PDE7A: variants seen among roughly 807,000 people sequenced by gnomAD.
PDE7A encodes the protein high affinity 3',5'-cyclic-AMP phosphodiesterase 7A.
A neutral mutation model predicts 64.3 loss-of-function variants in PDE7A; 39 were observed. That is an observed-to-expected ratio of 0.61 (90% CI 0.47 to 0.79). The LOEUF (loss-of-function observed/expected upper bound fraction) is 0.79. Ranked by LOEUF, PDE7A falls within the 30% of genes least tolerant of loss-of-function variation. The pLI, the probability that PDE7A is intolerant of heterozygous loss-of-function variation, is 0.00. For synonymous variants in PDE7A, 203 were observed against 206.8 expected (o/e 0.98, Z 0.16); for missense variants, 470 against 582.8 (o/e 0.81, Z 1.99).
At chr8:65,767,035 A>G (rs533742671) in intron 3 of PDE7A, among the ~76,000 whole-genome samples, 17 of 146,426 alleles carry the variant, frequency 1.2e-4, no homozygotes, top group African/African-American at 2.1e-4. Flanking sequence ...CAACAACAAC[A>G]ACGCCTGGAC....
intron 1 of PDE7A, among the ~76,000 whole-genome samples, chr8:65,812,192 G>A (rs60213300): frequency 0.05 from 7,508 of 150,008 alleles, 512 homozygotes; most frequent in African/African-American, 0.16. Context: ...GGGTGACAGC[G>A]CGAGACCGTT....
chr8:65,835,390 G>C (rs1431057340), intron 1 of PDE7A, among the ~76,000 whole-genome samples: 2 of 152,122 alleles, frequency 1.3e-5, no homozygotes, highest in East Asian at 3.8e-4. Flanking sequence ...CCTTAAGAGG[G>C]CCTGCATGCA....
chr8:65,776,652 T>C (rs759594033), intron 3 of PDE7A, among the ~76,000 whole-genome samples: 4 of 152,216 alleles, frequency 2.6e-5, no homozygotes, highest in Non-Finnish European at 4.4e-5. Context: ...ATATTTGATG[T>C]TTCTTGATAC....
intron 1 of PDE7A, among the ~76,000 whole-genome samples, chr8:65,835,999 A>G (rs1449383044): frequency 1.3e-5 from 2 of 152,214 alleles, no homozygotes; most frequent in Admixed American, 6.5e-5. Context: ...AGTGAAAGCT[A>G]AAGTATGGTA....
intron 5 of PDE7A, among the ~76,000 whole-genome samples, chr8:65,743,459 A>AG (rs1419331068): frequency 6.6e-6 from 1 of 152,336 alleles, no homozygotes; most frequent in East Asian, 1.9e-4. Flanking sequence ...AAAGGCAGGG[A>AG]GGCAGGAGGG....
intron 1 of PDE7A, among the ~76,000 whole-genome samples, chr8:65,805,325 TTA>T (rs1337414770): frequency 6.6e-6 from 1 of 152,216 alleles, no homozygotes; most frequent in Non-Finnish European, 1.5e-5. Context: ...GATTTTAAAA[TTA>T]TGACTCATGT....
intron 3 of PDE7A, among the ~76,000 whole-genome samples, chr8:65,776,326 G>A (rs1809258262): frequency 6.6e-6 from 1 of 151,948 alleles, no homozygotes; most frequent in African/African-American, 2.4e-5. Flanking sequence ...GTCAGTCCTT[G>A]AATTAACATC....
intron 2 of PDE7A, 43 bp from the exon 3 acceptor site, chr8:65,779,846 A>G: frequency 7.8e-7 from 1 of 1,281,570 alleles, no homozygotes; most frequent in Non-Finnish European, 1.1e-6. Context: ...GAAGGTTGTC[A>G]TTCGGGAAGA....
chr8:65,796,643 T>C (rs953103264), intron 1 of PDE7A, among the ~76,000 whole-genome samples: 1 of 152,050 alleles, frequency 6.6e-6, no homozygotes. Flanking sequence ...CAAAATTCAA[T>C]AGTCATTATG....
At chr8:65,774,815 C>T (rs930411428) in intron 3 of PDE7A, among the ~76,000 whole-genome samples, 1 of 151,714 alleles carries the variant, frequency 6.6e-6, no homozygotes, top group Non-Finnish European at 1.5e-5. Context: ...TAATGAGAAA[C>T]GTCCGGCTGT....
In PDE7A at chr8:65,724,905, G is replaced by T; in HGVS notation, c.937C>A (p.Gln313Lys). ...PLESRQQMET[Q>K]IGALILATDI... Reference sequence around the variant, plus strand: ...GTGGCTAGTATCAGAGCACCTATCTGTGTCTCCATTTGTTGCCTGGAAATA... The same window carrying T: ...GTGGCTAGTATCAGAGCACCTATCTTTGTCTCCATTTGTTGCCTGGAAATA... Residue 313 changes from glutamine (Q) to lysine (K), a missense_variant, in exon 10 of 13, where the codon CAG becomes AAG. By Grantham distance (53) the Gln-to-Lys change is moderately conservative. Transcript: ENST00000401827. The T allele has an allele frequency of 6.2e-7, 1 of 1,600,426 alleles. No individual in the cohort carries two copies. The highest frequency in any genetic ancestry group is 8.5e-7 in the Non-Finnish European group (1 of 1,172,376).
chr8:65,734,075 A>G (rs1289894490), intron 7 of PDE7A, among the ~76,000 whole-genome samples: 1 of 152,180 alleles, frequency 6.6e-6, no homozygotes, highest in Non-Finnish European at 1.5e-5. Context: ...GTAACTCTAT[A>G]CTAGACCTCT....
chr8:65,754,443 T>C (rs1808120137), intron 3 of PDE7A, among the ~76,000 whole-genome samples: 1 of 151,810 alleles, frequency 6.6e-6, no homozygotes, highest in Non-Finnish European at 1.5e-5. Context: ...GTTCAAACCA[T>C]TCTCCTGCCT....
chr8:65,751,695 T>C (rs1018834312), intron 3 of PDE7A, among the ~76,000 whole-genome samples: 12 of 152,226 alleles, frequency 7.9e-5, no homozygotes, highest in African/African-American at 2.4e-4. Flanking sequence ...TTTCTCCATG[T>C]TGGTCAGGCT....
At chr8:65,834,663 A>G (rs1024999773) in intron 1 of PDE7A, among the ~76,000 whole-genome samples, 5 of 152,176 alleles carry the variant, frequency 3.3e-5, no homozygotes, top group Non-Finnish European at 7.4e-5. Context: ...TTTCTCCCCC[A>G]AATTCTACCC....
intron 8 of PDE7A, 38 bp from the exon 9 acceptor site, chr8:65,727,004 G>A (rs181000197): frequency 9.1e-5 from 107 of 1,175,230 alleles, no homozygotes; most frequent in African/African-American, 5.9e-4. Flanking sequence ...TTAATGATAC[G>A]TCTCTTTCTG....
chr8:65,815,323 T>C (rs1370790769), intron 1 of PDE7A, among the ~76,000 whole-genome samples: 2 of 152,206 alleles, frequency 1.3e-5, no homozygotes, highest in Non-Finnish European at 2.9e-5. Flanking sequence ...AACATTCTAA[T>C]GCAAGGCTCA....
chr8:65,804,057 A>G (rs572775911), intron 1 of PDE7A, among the ~76,000 whole-genome samples: 1 of 152,208 alleles, frequency 6.6e-6, no homozygotes, highest in Non-Finnish European at 1.5e-5. Context: ...AGAAAAATCT[A>G]TATGACAAAG....
At chr8:65,813,047 C>T (rs1810294668) in intron 1 of PDE7A, among the ~76,000 whole-genome samples, 1 of 152,186 alleles carries the variant, frequency 6.6e-6, no homozygotes, top group Non-Finnish European at 1.5e-5. Flanking sequence ...ATATCCCTCA[C>T]CATTTGAACT....
Sources: gnomAD v4.1 joint callset for allele counts (sites outside exome capture counted in the v4.1 genomes callset) on GRCh38, gnomAD v4.1.1 for gene constraint, MANE v1.5 for transcripts, NCBI Gene and HGNC (gene_info 2026-07-23, HGNC 2026-07-21) for gene names.